THSD7A: variants seen among roughly 807,000 people sequenced by gnomAD.
THSD7A encodes the protein thrombospondin type-1 domain-containing protein 7A.
THSD7A carries 96 observed loss-of-function variants against 231.3 expected under a neutral mutation model. The ratio of observed to expected loss-of-function variants is 0.41; its 90% CI spans 0.35 to 0.49. The LOEUF is 0.49. Ranked by LOEUF, THSD7A falls within the 20% of genes least tolerant of loss-of-function variation. THSD7A has a pLI of 0.05. For missense variants in THSD7A, 2,290 were observed against 2,070.2 expected (o/e 1.11, Z -2.06); for synonymous variants, 940 against 743.3 (o/e 1.26, Z -4.30).
intron 4 of THSD7A, among the ~76,000 whole-genome samples, chr7:11,548,513 G>A (rs576568244): frequency 6.6e-6 from 1 of 151,944 alleles, no homozygotes; most frequent in Non-Finnish European, 1.5e-5. Flanking sequence ...ATTCTATGAG[G>A]CTAGCATCAT....
intron 5 of THSD7A, among the ~76,000 whole-genome samples, chr7:11,542,278 A>T (rs1789184120): frequency 6.6e-6 from 1 of 152,178 alleles, no homozygotes; most frequent in Admixed American, 6.5e-5. Context: ...GAGAGTGTGT[A>T]ACAAAATTAA....
At chr7:11,670,248 C>T (rs539430952) in intron 1 of THSD7A, among the ~76,000 whole-genome samples, 51 of 152,242 alleles carry the variant, frequency 3.3e-4, no homozygotes, top group African/African-American at 1.2e-3. Context: ...TCTGGAGAGC[C>T]TGGAAGGCTG....
intron 23 of THSD7A, among the ~76,000 whole-genome samples, chr7:11,394,129 TACCC>T (rs113674935): frequency 6.0e-4 from 92 of 152,310 alleles, no homozygotes; most frequent in African/African-American, 2.0e-3. Flanking sequence ...AAGGTCAGGT[TACCC>T]ACAAAGGGAA....
At chr7:11,541,230 C>A (rs1390248685) in intron 6 of THSD7A, among the ~76,000 whole-genome samples, 189 bp downstream of exon 6, 1 of 152,140 alleles carries the variant, frequency 6.6e-6, no homozygotes, top group Non-Finnish European at 1.5e-5. Context: ...ATCCTTCCCA[C>A]TGCCACCATT....
chr7:11,455,059 C>T (rs1383314726), intron 11 of THSD7A, among the ~76,000 whole-genome samples: 5 of 151,884 alleles, frequency 3.3e-5, no homozygotes, highest in African/African-American at 1.2e-4. Flanking sequence ...GGATTAATGC[C>T]CTTCTCAGAT....
intron 11 of THSD7A, among the ~76,000 whole-genome samples, chr7:11,451,322 G>C (rs1785136570): frequency 6.6e-6 from 1 of 151,930 alleles, no homozygotes; most frequent in Non-Finnish European, 1.5e-5. Flanking sequence ...AAAAGTATTA[G>C]ATAGTTTGAA....
At chr7:11,711,491 T>C (rs1202955582) in intron 1 of THSD7A, among the ~76,000 whole-genome samples, 1 of 151,084 alleles carries the variant, frequency 6.6e-6, no homozygotes, top group African/African-American at 2.4e-5. Flanking sequence ...TTTTTCTTTA[T>C]GTATAAATCC....
In THSD7A at chr7:11,444,538, T is replaced by C. The variant is rs558600266; in HGVS notation, c.3064+1523A>G. ...AACTCTGCATGTTCTCACTCAAAAG[T>C]GAAAGTTGAACAATAAGAACACATG... On this transcript the variant is annotated intron_variant, in intron 13 of 27. Transcript: ENST00000423059. This position sits in a 1 kb window ranked among gnomAD's most constrained non-coding sequence, Gnocchi z 4.2. Among the ~76,000 whole-genome samples the C allele has an allele frequency of 6.6e-6, 1 of 151,424 alleles. No individual in the cohort carries two copies. The highest frequency in any genetic ancestry group is 2.4e-5 in the African/African-American group (1 of 41,198).
intron 17 of THSD7A, among the ~76,000 whole-genome samples, chr7:11,414,799 T>A (rs959729101): frequency 6.6e-6 from 1 of 152,220 alleles, no homozygotes; most frequent in African/African-American, 2.4e-5. Flanking sequence ...GGAATAACAC[T>A]ATCTGTTTTG....
intron 1 of THSD7A, among the ~76,000 whole-genome samples, chr7:11,701,524 T>G (rs1329981852): frequency 1.3e-5 from 2 of 151,162 alleles, no homozygotes; most frequent in African/African-American, 4.8e-5. Context: ...TTCTGAGATC[T>G]TTTTGCCTTA....
intron 4 of THSD7A, among the ~76,000 whole-genome samples, chr7:11,574,377 C>T (rs1304929093): frequency 6.6e-6 from 1 of 151,630 alleles, no homozygotes; most frequent in East Asian, 1.9e-4. Flanking sequence ...ACTCAGTAAA[C>T]ATTGGTTCAA....
At chr7:11,503,357 C>G (rs1384247278) in intron 6 of THSD7A, among the ~76,000 whole-genome samples, 3 of 152,032 alleles carry the variant, frequency 2.0e-5, no homozygotes, top group Non-Finnish European at 4.4e-5. Context: ...CTATAAAAAC[C>G]CTGGAAGACA....
At chr7:11,602,123 G>A (rs17164873) in intron 2 of THSD7A, among the ~76,000 whole-genome samples, 10,668 of 152,134 alleles carry the variant, frequency 0.07, 577 homozygotes, top group East Asian at 0.23. Flanking sequence ...TGTGCTGCTT[G>A]CCCAAAGGAG....
intron 1 of THSD7A, among the ~76,000 whole-genome samples, chr7:11,661,484 T>C (rs757490556): frequency 3.3e-5 from 5 of 150,942 alleles, no homozygotes; most frequent in Non-Finnish European, 7.4e-5. Flanking sequence ...AGTAATTGAT[T>C]TTAAAAATAG....
chr7:11,609,702 T>A (rs1271038993), intron 2 of THSD7A, among the ~76,000 whole-genome samples: 1 of 152,164 alleles, frequency 6.6e-6, no homozygotes, highest in Non-Finnish European at 1.5e-5. Context: ...GGGACTTTAG[T>A]AAGCAGTACT....
intron 6 of THSD7A, among the ~76,000 whole-genome samples, chr7:11,522,651 TGC>T (rs1472288443): frequency 6.6e-5 from 10 of 152,308 alleles, no homozygotes; most frequent in African/African-American, 2.2e-4. Context: ...ATCAGTTTAA[TGC>T]TAATTATTGA....
At position 11,535,375 on chromosome 7, in the gene THSD7A, T is replaced by A. The variant is rs535039897; in HGVS notation, c.1822+6044A>T. Among the ~76,000 whole-genome samples the A allele has an allele frequency of 6.6e-5, 10 of 152,170 alleles. No homozygotes were observed. The East Asian group carries it at 1.9e-3, about 29-fold the overall frequency. Reference sequence around the variant, plus strand: ...ACAAATCAGAGTATCTGATGCCAAGTTTTTATAGTCCAAAATAAAATGGTG... The same window carrying A: ...ACAAATCAGAGTATCTGATGCCAAGATTTTATAGTCCAAAATAAAATGGTG... On this transcript the variant is annotated intron_variant, in intron 6 of 27. Coordinates refer to ENST00000423059, the MANE Select transcript of THSD7A (RefSeq NM_015204.3).
rs1227041855 is a variant in THSD7A, at chr7:11,769,153, A to ATTTTTTTTTTTTTTTTTTTTT, written c.190+62603_190+62604insAAAAAAAAAAAAAAAAAAAAA. ...TATATATATATATATATATATATAT[A>ATTTTTTTTTTTTTTTTTTTTT]TTTTTTTTTTTTTTTGGTATTTTTG... is the stretch of plus-strand genomic sequence containing the variant. On this transcript the variant is annotated intron_variant, in intron 1 of 27. Coordinates refer to ENST00000423059, the MANE Select transcript of THSD7A (RefSeq NM_015204.3). Among the ~76,000 whole-genome samples, 11 of 27,648 alleles carry ATTTTTTTTTTTTTTTTTTTTT rather than the reference A, an allele frequency of 4.0e-4. 1 individual carries two copies. Among genetic ancestry groups the ATTTTTTTTTTTTTTTTTTTTT allele is most frequent in the South Asian group, 1.4e-3 (1 of 702 alleles). The allele number at this position is 27,648 out of a possible 152,430, so 18.1% of individuals were successfully genotyped here.
chr7:11,453,884 T>C (rs1378303356), intron 11 of THSD7A, among the ~76,000 whole-genome samples: 1 of 152,088 alleles, frequency 6.6e-6, no homozygotes, highest in East Asian at 1.9e-4. Context: ...TATGGTCATA[T>C]ATTTCTAATG....
Sources: gnomAD v4.1 joint callset for allele counts (sites outside exome capture counted in the v4.1 genomes callset) on GRCh38, gnomAD v4.1.1 for gene constraint, Gnocchi (gnomAD v3.1) non-coding constraint, MANE v1.5 for transcripts, NCBI Gene and HGNC (gene_info 2026-07-23, HGNC 2026-07-21) for gene names.